The following MAP4K3 variants were observed in gnomAD, a reference collection of about 807,000 sequenced individuals.
MAP4K3 encodes mitogen-activated protein kinase kinase kinase kinase 3.
In MAP4K3, 94 loss-of-function variants were observed where a neutral mutation model predicts 143.5. The ratio of observed to expected loss-of-function variants is 0.65; its 90% confidence interval spans 0.55 to 0.78. The LOEUF (loss-of-function observed/expected upper bound fraction) is 0.78, where lower values mean the gene tolerates loss of function less well. Among genes scored for constraint, MAP4K3 ranks in the 30% least tolerant of loss-of-function variants. MAP4K3 has a pLI of 0.00. For missense variants in MAP4K3, 1,077 were observed against 1,068.1 expected, an observed-to-expected ratio of 1.01 and a Z score of -0.12; for synonymous variants, 416 against 347.2, an observed-to-expected ratio of 1.20 and a Z score of -2.20.
chr2:39,326,531 G>A (rs1314446724), intron 8 of MAP4K3, among the ~76,000 whole-genome samples: 1 of 152,062 alleles, frequency 6.6e-6, no homozygotes, highest in Non-Finnish European at 1.5e-5. Flanking sequence ...TGCCTCAGAC[G>A]AGACTTTGGA....
At chr2:39,422,192 G>A (rs1173626760) in intron 1 of MAP4K3, among the ~76,000 whole-genome samples, 2 of 151,818 alleles carry the variant, frequency 1.3e-5, no homozygotes, top group Non-Finnish European at 2.9e-5. Context: ...CAAACTCCTT[G>A]AAAAGAGACC....
intron 3 of MAP4K3, among the ~76,000 whole-genome samples, chr2:39,347,358 C>A (rs1004522785): frequency 6.6e-6 from 1 of 152,142 alleles, no homozygotes; most frequent in Non-Finnish European, 1.5e-5. Context: ...TCTAAAATAT[C>A]TTCACATCTG....
At chr2:39,333,371 A>G (rs545349845) in intron 7 of MAP4K3, among the ~76,000 whole-genome samples, 161 bp downstream of exon 7, 1 of 152,218 alleles carries the variant, frequency 6.6e-6, no homozygotes, top group African/African-American at 2.4e-5. Flanking sequence ...TGTTTAAGAG[A>G]AGTGGATGCA....
intron 2 of MAP4K3, among the ~76,000 whole-genome samples, chr2:39,367,422 C>T (rs764184187): frequency 9.9e-5 from 15 of 151,802 alleles, no homozygotes; most frequent in African/African-American, 3.1e-4. Context: ...AGCCTGTAGT[C>T]GCAGCTACTT....
chr2:39,345,921 CAAAAAAAAAAAAA>C (rs66729858), intron 3 of MAP4K3, among the ~76,000 whole-genome samples: 1 of 15,842 alleles, frequency 6.3e-5, no homozygotes, highest in Non-Finnish European at 1.4e-4. Context: ...GACTCTGTCT[CAAAAAAAAAAAAA>C]AAAAAAAAAA....
chr2:39,290,180 C>T (rs899768909), intron 19 of MAP4K3, 112 bp downstream of exon 19: 2 of 683,324 alleles, frequency 2.9e-6, no homozygotes, highest in Non-Finnish European at 2.3e-6. Context: ...ATATCAACTT[C>T]ATGATTTTTC....
At chr2:39,401,374 A>G (rs1433615691) in intron 1 of MAP4K3, among the ~76,000 whole-genome samples, 1 of 152,232 alleles carries the variant, frequency 6.6e-6, no homozygotes, top group Admixed American at 6.5e-5. Context: ...TCATGCTCTC[A>G]TCGGCCAGAC....
intron 20 of MAP4K3, among the ~76,000 whole-genome samples, chr2:39,287,251 G>C (rs976458889): frequency 6.6e-6 from 1 of 151,278 alleles, no homozygotes; most frequent in Non-Finnish European, 1.5e-5. Flanking sequence ...ACTACTTTTA[G>C]AAAAGGGGTG....
At chr2:39,316,856 T>G (rs1256673754) in intron 12 of MAP4K3, among the ~76,000 whole-genome samples, 1 of 152,134 alleles carries the variant, frequency 6.6e-6, no homozygotes, top group African/African-American at 2.4e-5. Flanking sequence ...AATCATTTAA[T>G]TAGACAAAGG....
At chr2:39,362,625 A>G (rs1189892662) in intron 2 of MAP4K3, among the ~76,000 whole-genome samples, 1 of 152,222 alleles carries the variant, frequency 6.6e-6, no homozygotes, top group Non-Finnish European at 1.5e-5. Context: ...GTACTACCCA[A>G]TGCGATCTAC....
At chr2:39,280,175 C>A in intron 23 of MAP4K3, 97 bp downstream of exon 23, 2 of 682,110 alleles carry the variant, frequency 2.9e-6, no homozygotes, top group South Asian at 3.2e-5. Context: ...TTTTTTTCCC[C>A]AGAAAGATAC....
At chr2:39,268,473 A>T (rs929594325) in intron 26 of MAP4K3, among the ~76,000 whole-genome samples, 1 of 151,592 alleles carries the variant, frequency 6.6e-6, no homozygotes, top group African/African-American at 2.4e-5. Flanking sequence ...GGTGCCTGCC[A>T]TCATGCTCAG....
At chr2:39,411,358 G>T (rs1667227764) in intron 1 of MAP4K3, among the ~76,000 whole-genome samples, 1 of 152,128 alleles carries the variant, frequency 6.6e-6, no homozygotes, top group African/African-American at 2.4e-5. Context: ...CAGATTGAGT[G>T]TACCAATTTA....
chr2:39,300,801 C>T (rs78605778), intron 15 of MAP4K3, among the ~76,000 whole-genome samples: 2,461 of 152,328 alleles, frequency 0.016, 54 homozygotes, highest in East Asian at 0.11. Flanking sequence ...ATTTAACACA[C>T]AGAGCTGCTC....
chr2:39,366,634 AG>A (rs1278369690), intron 2 of MAP4K3, among the ~76,000 whole-genome samples: 1 of 152,022 alleles, frequency 6.6e-6, no homozygotes, highest in Non-Finnish European at 1.5e-5. Context: ...GGCCCAGTGG[AG>A]GGGTTCGTTT....
intron 1 of MAP4K3, among the ~76,000 whole-genome samples, chr2:39,421,584 C>T (rs868752511): frequency 2.0e-4 from 30 of 152,100 alleles, no homozygotes; most frequent in African/African-American, 5.3e-4. Flanking sequence ...ATACCTACCT[C>T]GTAAGGTTGT....
intron 4 of MAP4K3, among the ~76,000 whole-genome samples, chr2:39,338,765 T>TA (rs779287892): frequency 1.4e-4 from 22 of 152,194 alleles, no homozygotes; most frequent in Non-Finnish European, 2.4e-4. Context: ...AGACTCTTAA[T>TA]AAAAGAGACT....
rs34894620 is a variant in MAP4K3, at chr2:39,263,438, A to ATTT, written c.2136+1762_2136+1764dup. On this transcript the variant is annotated intron_variant, in intron 28 of 33. Coordinates refer to ENST00000263881, the MANE Select transcript of MAP4K3 (RefSeq NM_003618.4). The stretch of plus-strand genomic sequence containing the variant: ...CAGGCGCCCACCATCACGCCCGGCT[A>ATTT]TTTTTTTTTTTTTTGTATTTTTAGT... 4.5e-3 allele frequency among the ~76,000 whole-genome samples: 625 copies of ATTT among 137,374 alleles called. 5 individuals are homozygous for ATTT. Among genetic ancestry groups the ATTT allele is most frequent in the Middle Eastern group, 7.3e-3 (2 of 274 alleles). 90.1% of individuals were successfully genotyped at this position (137,374 alleles called of 152,430 possible).
intron 18 of MAP4K3, among the ~76,000 whole-genome samples, chr2:39,292,271 C>G (rs966311700): frequency 2.6e-5 from 4 of 152,134 alleles, no homozygotes; most frequent in African/African-American, 7.2e-5. Flanking sequence ...AAATGTGTCA[C>G]TATAAAATTC....
Sources: gnomAD v4.1 joint callset for allele counts (sites outside exome capture counted in the v4.1 genomes callset) on GRCh38, gnomAD v4.1.1 for gene constraint, MANE v1.5 for transcripts, NCBI Gene and HGNC (gene_info 2026-07-23, HGNC 2026-07-21) for gene names.